The following SPSB4 variants were observed in gnomAD, a reference collection of about 807,000 sequenced individuals.
SPSB4 encodes SPRY domain-containing SOCS box protein 4.
In SPSB4, 21 loss-of-function variants were observed where a neutral mutation model predicts 20.9. The ratio of observed to expected loss-of-function variants is 1.01; its 90% CI spans 0.71 to 1.45. SPSB4 has a LOEUF of 1.45. SPSB4 is among the 40% of genes most tolerant of loss of function. The pLI is 0.00. For synonymous variants in SPSB4, 207 were observed against 183.8 expected (o/e 1.13, Z -1.02); for missense variants, 399 against 399.2 (o/e 1.00, Z 0.00).
Position 141,095,441 on chromosome 3 carries a change from A to G in SPSB4, c.694+28643A>G, listed in dbSNP as rs1278640176. ...GAACAGACTTATTCATTCCCCACTC[A>G]CCCACCTGCTCCCTTCCCGGCTCCC... is the stretch of plus-strand genomic sequence containing the variant. On this transcript the variant is annotated intron_variant, in intron 2 of 2. Transcript: ENST00000310546. Among the ~76,000 whole-genome samples the G allele has an allele frequency of 8.5e-5, 13 of 152,094 alleles. No individual in the cohort carries two copies. In the South Asian group the frequency reaches 2.7e-3, roughly 32 times the overall value.
At chr3:141,076,748 G>T (rs1376919092) in intron 2 of SPSB4, among the ~76,000 whole-genome samples, 2 of 152,306 alleles carry the variant, frequency 1.3e-5, no homozygotes, top group East Asian at 3.9e-4. Flanking sequence ...TGAGTCTTCA[G>T]TGGTTTTGCA....
At chr3:141,052,884 C>T (rs1339552173) in intron 1 of SPSB4, among the ~76,000 whole-genome samples, 11 of 152,376 alleles carry the variant, frequency 7.2e-5, no homozygotes, top group African/African-American at 2.6e-4. Flanking sequence ...CGCCGAGCCC[C>T]CGACCTCTGA....
At chr3:141,116,260 C>T (rs1465356062) in intron 2 of SPSB4, among the ~76,000 whole-genome samples, 1 of 152,180 alleles carries the variant, frequency 6.6e-6, no homozygotes, top group East Asian at 1.9e-4. Context: ...CTTGTGGAGT[C>T]CATGTCAGCT....
chr3:141,068,066 T>C (rs1396943752), intron 2 of SPSB4, among the ~76,000 whole-genome samples: 1 of 152,056 alleles, frequency 6.6e-6, no homozygotes, highest in Non-Finnish European at 1.5e-5. Context: ...GAGTAACACT[T>C]CTCCAGAAAA....
intron 2 of SPSB4, among the ~76,000 whole-genome samples, chr3:141,107,490 A>G (rs1938717462): frequency 6.6e-6 from 1 of 152,230 alleles, no homozygotes; most frequent in Non-Finnish European, 1.5e-5. Flanking sequence ...GGGCAAGGAC[A>G]GTATTGGTGA....
In SPSB4 at chr3:141,147,046, A is replaced by T. The variant is rs572525701; in HGVS notation, c.695-96A>T. The T allele has an allele frequency of 6.0e-4, 924 of 1,530,134 alleles. 5 individuals are homozygous for T. The South Asian group carries it at 6.2e-3, about 10-fold the overall frequency. 94.8% of individuals were successfully genotyped at this position (1,530,134 alleles called of 1,614,324 possible). ...AGCCATTGACCCTGAAGGCCAGCTC[A>T]GAGGAGCAGGCAGGAGGCGGTATGC... On this transcript the variant is annotated intron_variant, in intron 2 of 2. Transcript: ENST00000310546.
At chr3:141,092,521 A>T (rs1027527357) in intron 2 of SPSB4, among the ~76,000 whole-genome samples, 1 of 152,206 alleles carries the variant, frequency 6.6e-6, no homozygotes, top group African/African-American at 2.4e-5. Context: ...GTGCACCAGG[A>T]GTGGGCCTTG....
chr3:141,053,735 A>AT lies in SPSB4; in HGVS notation c.-154+1752dup, dbSNP rs141574829. Among the ~76,000 whole-genome samples, 37 of 151,870 alleles carry AT rather than the reference A, an allele frequency of 2.4e-4. No individual in the cohort carries two copies. The South Asian group carries it at 2.9e-3, about 12-fold the overall frequency. Reference sequence around the variant, plus strand: ...GAAAAATGCAAGTTAAAATTACAAGATTTTTTTTTAATGTATCAAATTAGC... The same window carrying AT: ...GAAAAATGCAAGTTAAAATTACAAGATTTTTTTTTTAATGTATCAAATTAGC... On this transcript the variant is annotated intron_variant, in intron 1 of 2. Coordinates refer to ENST00000310546, the MANE Select transcript of SPSB4 (RefSeq NM_080862.3).
At chr3:141,121,646 C>T (rs1938968379) in intron 2 of SPSB4, among the ~76,000 whole-genome samples, 1 of 152,186 alleles carries the variant, frequency 6.6e-6, no homozygotes, top group Admixed American at 6.5e-5. Flanking sequence ...TGTCTTCTCG[C>T]TTTATTTCAT....
At chr3:141,122,939 T>G (rs1328288126) in intron 2 of SPSB4, among the ~76,000 whole-genome samples, 1 of 152,186 alleles carries the variant, frequency 6.6e-6, no homozygotes, top group Non-Finnish European at 1.5e-5. Flanking sequence ...TTGCCCTCCA[T>G]GGGCTGCACG....
intron 1 of SPSB4, among the ~76,000 whole-genome samples, chr3:141,065,680 C>T (rs150117010): frequency 6.6e-6 from 1 of 152,344 alleles, no homozygotes; most frequent in East Asian, 1.9e-4. Flanking sequence ...ATCGCTTATC[C>T]TCTCTCTGAC....
chr3:141,127,398 A>T (rs940881264), intron 2 of SPSB4, among the ~76,000 whole-genome samples: 8 of 152,200 alleles, frequency 5.3e-5, no homozygotes, highest in Non-Finnish European at 1.0e-4. Context: ...TGCCTTTGAT[A>T]ATAACAGCAG....
chr3:141,128,452 T>A (rs1371586603), intron 2 of SPSB4, among the ~76,000 whole-genome samples: 2 of 151,960 alleles, frequency 1.3e-5, no homozygotes, highest in Non-Finnish European at 2.9e-5. Context: ...TGTAGTGGTG[T>A]GAACCACACA....
At chr3:141,071,152 A>G (rs189570606) in intron 2 of SPSB4, among the ~76,000 whole-genome samples, 99 of 152,348 alleles carry the variant, frequency 6.5e-4, no homozygotes, top group African/African-American at 2.2e-3. Context: ...GGGGAATGTC[A>G]CTGCAAATGT....
intron 2 of SPSB4, among the ~76,000 whole-genome samples, chr3:141,073,462 A>G (rs1206475151): frequency 1.3e-5 from 2 of 152,212 alleles, no homozygotes; most frequent in Non-Finnish European, 2.9e-5. Flanking sequence ...TGTCTAATTC[A>G]GCCAGTCCTT....
intron 2 of SPSB4, among the ~76,000 whole-genome samples, chr3:141,069,246 C>G (rs1171182706): frequency 6.6e-6 from 1 of 152,256 alleles, no homozygotes; most frequent in South Asian, 2.1e-4. Context: ...CATGGCCAGC[C>G]TGGGACAATC....
intron 1 of SPSB4, among the ~76,000 whole-genome samples, chr3:141,054,157 C>A (rs548180414): frequency 6.6e-6 from 1 of 152,338 alleles, no homozygotes; most frequent in South Asian, 2.1e-4. Context: ...AGACCTAGTA[C>A]AACTCACCAT....
chr3:141,055,708 G>A (rs1351568132), intron 1 of SPSB4, among the ~76,000 whole-genome samples: 1 of 152,176 alleles, frequency 6.6e-6, no homozygotes, highest in Non-Finnish European at 1.5e-5. Flanking sequence ...GACATGCAGA[G>A]GAACCTGGCA....
At chr3:141,071,202 G>T (rs1265164163) in intron 2 of SPSB4, among the ~76,000 whole-genome samples, 1 of 152,242 alleles carries the variant, frequency 6.6e-6, no homozygotes, top group Non-Finnish European at 1.5e-5. Context: ...GGTGGGCCAG[G>T]CCTTTGGAAT....
Sources: allele counts gnomAD v4.1 joint callset (sites outside exome capture counted in the v4.1 genomes callset), GRCh38; gene constraint gnomAD v4.1.1; transcripts MANE v1.5; gene names NCBI Gene and HGNC (gene_info 2026-07-23, HGNC 2026-07-21).